The following SEZ6L variants were observed in gnomAD, a reference collection of about 807,000 sequenced individuals.
SEZ6L encodes seizure related 6 homolog like, also known as seizure 6-like protein.
A neutral mutation model predicts 106.2 loss-of-function variants in SEZ6L; 37 were observed. The observed-to-expected ratio is 0.35, with a 90% CI of 0.27 to 0.46. The LOEUF (loss-of-function observed/expected upper bound fraction) is 0.46, where lower values mean the gene tolerates loss of function less well. SEZ6L is among the 20% of genes least tolerant of loss of function. SEZ6L has a pLI of 1.00. For missense variants in SEZ6L, 1,172 were observed against 1,332.8 expected, an observed-to-expected ratio of 0.88 and a Z score of 1.88; for synonymous variants, 541 against 570.4, an observed-to-expected ratio of 0.95 and a Z score of 0.73.
intron 12 of SEZ6L, among the ~76,000 whole-genome samples, chr22:26,364,212 C>T (rs2083729307): frequency 6.6e-6 from 1 of 151,896 alleles, no homozygotes; most frequent in Non-Finnish European, 1.5e-5. Context: ...ATTTGTAGTC[C>T]TGTGTGTGAA....
At chr22:26,201,232 C>T (rs1023303392) in intron 1 of SEZ6L, among the ~76,000 whole-genome samples, 3 of 152,006 alleles carry the variant, frequency 2.0e-5, no homozygotes, top group African/African-American at 7.2e-5. Context: ...ATTAAAATGT[C>T]TCTGGAGGCT....
chr22:26,327,579 A>G (rs1028505423), intron 9 of SEZ6L, among the ~76,000 whole-genome samples: 1 of 140,926 alleles, frequency 7.1e-6, no homozygotes, highest in African/African-American at 2.7e-5. Context: ...CACACACCAC[A>G]TGACACGACA....
At chr22:26,230,273 G>A (rs1375430649) in intron 1 of SEZ6L, among the ~76,000 whole-genome samples, 1 of 151,408 alleles carries the variant, frequency 6.6e-6, no homozygotes, top group African/African-American at 2.4e-5. Context: ...GAAACTGAGG[G>A]AGAAAAAAAG....
At position 26,201,647 on chromosome 22, in the gene SEZ6L, T is replaced by C. The variant is rs140314234; in HGVS notation, c.94+31884T>C. ...TGTTAAAAAGCATAGGCTTTAGCAA[T>C]GACTACTTATATTTAAAGCCCATAC... On this transcript the variant is annotated intron_variant, in intron 1 of 16. Transcript: ENST00000248933. 3.3e-3 allele frequency among the ~76,000 whole-genome samples: 500 copies of C among 152,222 alleles called. 12 individuals carry two copies. The South Asian group carries it at 0.064, about 20-fold the overall frequency.
chr22:26,200,049 A>G (rs1469665065), intron 1 of SEZ6L, among the ~76,000 whole-genome samples: 1 of 152,224 alleles, frequency 6.6e-6, no homozygotes, highest in Non-Finnish European at 1.5e-5. Context: ...CTGAGCAAAG[A>G]TCACACCAAT....
At chr22:26,251,679 A>G (rs1416261267) in intron 1 of SEZ6L, among the ~76,000 whole-genome samples, 1 of 152,196 alleles carries the variant, frequency 6.6e-6, no homozygotes, top group East Asian at 1.9e-4. Flanking sequence ...GCCTGCACAG[A>G]ATCAGTGCCC....
At chr22:26,209,966 AGAGG>A (rs972860960) in intron 1 of SEZ6L, among the ~76,000 whole-genome samples, 2 of 122,514 alleles carry the variant, frequency 1.6e-5, no homozygotes, top group Admixed American at 8.7e-5. Context: ...AAAAAGGGAG[AGAGG>A]GAGGGAGGAA....
At chr22:26,319,179 T>C (rs1005454451) in intron 9 of SEZ6L, among the ~76,000 whole-genome samples, 5 of 152,178 alleles carry the variant, frequency 3.3e-5, no homozygotes, top group African/African-American at 1.2e-4. Context: ...TTCCATTGCT[T>C]CTACTCAAAA....
chr22:26,289,621 G>C (rs918601666), intron 1 of SEZ6L, among the ~76,000 whole-genome samples: 2 of 152,204 alleles, frequency 1.3e-5, no homozygotes, highest in Non-Finnish European at 2.9e-5. Context: ...TCCTGGCCCA[G>C]CATCACTGGC....
At chr22:26,377,487 G>C (rs896248843) in intron 15 of SEZ6L, among the ~76,000 whole-genome samples, 186 bp from the exon 16 acceptor site, 15 of 152,136 alleles carry the variant, frequency 9.9e-5, no homozygotes, top group Admixed American at 8.5e-4. Context: ...TGCAAGTTGA[G>C]AGCAATTATG....
intron 1 of SEZ6L, among the ~76,000 whole-genome samples, chr22:26,267,909 G>T (rs778241043): frequency 6.6e-6 from 1 of 152,186 alleles, no homozygotes; most frequent in Non-Finnish European, 1.5e-5. Flanking sequence ...AAGACCAACA[G>T]GAAGAGGAAG....
chr22:26,283,859 A>G (rs2080850254), intron 1 of SEZ6L, among the ~76,000 whole-genome samples: 1 of 152,202 alleles, frequency 6.6e-6, no homozygotes, highest in Admixed American at 6.5e-5. Context: ...GGAGTATTCT[A>G]TTCTTTAAGA....
Position 26,306,068 on chromosome 22 carries a change from A to G in SEZ6L, c.1438A>G (p.Ile480Val), listed in dbSNP as rs1054465819. 3 of 1,614,006 alleles carry G rather than the reference A, an allele frequency of 1.9e-6. No individual in the cohort carries two copies. The highest frequency in any genetic ancestry group is 2.5e-6 in the Non-Finnish European group (3 of 1,180,018). ...AAACACAAATGGGAGCCAATTCTGC[A>G]TCTGGACGATTGAAGCTCCAGAGGG... ...PENTNGSQFC[I>V]WTIEAPEGQK... The change falls in exon 6 of 17, where the codon ATC (isoleucine) becomes GTC (valine). Residue 480 changes from isoleucine to valine, a missense_variant. Physicochemically the swap from Ile to Val is conservative, Grantham distance 29. Coordinates refer to ENST00000248933, the MANE Select transcript of SEZ6L (RefSeq NM_021115.5).
chr22:26,323,120 C>T (rs565518280), intron 9 of SEZ6L, among the ~76,000 whole-genome samples: 77 of 152,154 alleles, frequency 5.1e-4, no homozygotes, highest in Non-Finnish European at 9.1e-4. Flanking sequence ...GAGCTCAGCA[C>T]GGGGGCCACA....
At chr22:26,281,750 T>G (rs974011949) in intron 1 of SEZ6L, among the ~76,000 whole-genome samples, 1 of 152,178 alleles carries the variant, frequency 6.6e-6, no homozygotes, top group African/African-American at 2.4e-5. Flanking sequence ...GAAATCCTAA[T>G]TTAAATTATG....
intron 1 of SEZ6L, among the ~76,000 whole-genome samples, chr22:26,251,292 C>G (rs1252572287): frequency 1.3e-5 from 2 of 150,752 alleles, no homozygotes; most frequent in East Asian, 1.9e-4. Context: ...CATATATGGC[C>G]TTTATTGTGT....
chr22:26,378,012 A>G (rs575334230), intron 16 of SEZ6L, among the ~76,000 whole-genome samples: 1 of 152,238 alleles, frequency 6.6e-6, no homozygotes, highest in South Asian at 2.1e-4. Flanking sequence ...ACACCCACAG[A>G]AAAAAGAGGC....
chr22:26,282,515 A>G (rs556715343), intron 1 of SEZ6L, among the ~76,000 whole-genome samples: 2 of 152,292 alleles, frequency 1.3e-5, no homozygotes, highest in East Asian at 3.9e-4. Flanking sequence ...GACCTGTTAC[A>G]TAAACTCTGG....
chr22:26,282,029 C>T lies in SEZ6L; in HGVS notation c.95-10377C>T, dbSNP rs527723256. On this transcript the variant is annotated intron_variant, in intron 1 of 16. Coordinates refer to ENST00000248933, the MANE Select transcript of SEZ6L (RefSeq NM_021115.5). ...TCTTGATTTATCTTCTAGCCTTTTGCTGCTACAAATGGGGCCGCATTGCTT... is the reference window on the plus strand; with the variant it reads ...TCTTGATTTATCTTCTAGCCTTTTGTTGCTACAAATGGGGCCGCATTGCTT... 3.9e-5 allele frequency among the ~76,000 whole-genome samples: 6 copies of T among 152,314 alleles called. No homozygotes were observed. The East Asian group carries it at 1.2e-3, about 29-fold the overall frequency.
Sources: allele counts gnomAD v4.1 joint callset (sites outside exome capture counted in the v4.1 genomes callset), GRCh38; gene constraint gnomAD v4.1.1; transcripts MANE v1.5; gene names NCBI Gene and HGNC (gene_info 2026-07-23, HGNC 2026-07-21).